The following HIVEP1 variants were observed in gnomAD, a reference collection of about 807,000 sequenced individuals.
HIVEP1 encodes the protein zinc finger protein 40.
A neutral mutation model predicts 180.0 loss-of-function variants in HIVEP1; 36 were observed. That is an observed-to-expected ratio of 0.20 (90% confidence interval 0.15 to 0.26). HIVEP1 has a LOEUF of 0.26. HIVEP1 is among the 10% of genes least tolerant of loss of function. HIVEP1 has a pLI of 1.00. For missense variants in HIVEP1, 3,143 were observed against 3,268.7 expected (o/e 0.96, Z 0.94); for synonymous variants, 1,239 against 1,239.0 (o/e 1.00, Z 0.00).
At chr6:12,064,204 C>T (rs1425570783) in intron 2 of HIVEP1, among the ~76,000 whole-genome samples, 16 of 151,914 alleles carry the variant, frequency 1.1e-4, no homozygotes, top group Admixed American at 6.6e-4. Flanking sequence ...TTGAAGTTTA[C>T]GGATTTCTGG....
chr6:12,108,770 C>T (rs931741573), intron 3 of HIVEP1, among the ~76,000 whole-genome samples: 1 of 152,180 alleles, frequency 6.6e-6, no homozygotes, highest in African/African-American at 2.4e-5. Context: ...TCGCGCCTCT[C>T]CCTCCACACC....
intron 7 of HIVEP1, among the ~76,000 whole-genome samples, chr6:12,146,798 C>T (rs763627216): frequency 1.3e-5 from 2 of 151,440 alleles, no homozygotes; most frequent in African/African-American, 2.4e-5. Context: ...TGTATCACTT[C>T]GGCACCTATT....
At chr6:12,107,806 A>C (rs1017736939) in intron 3 of HIVEP1, among the ~76,000 whole-genome samples, 6 of 152,150 alleles carry the variant, frequency 3.9e-5, no homozygotes, top group African/African-American at 1.4e-4. Flanking sequence ...GCCTGCTTTT[A>C]TTCTCTTATC....
chr6:12,018,503 G>A (rs561298524), intron 2 of HIVEP1, among the ~76,000 whole-genome samples: 39 of 152,368 alleles, frequency 2.6e-4, no homozygotes, highest in Non-Finnish European at 3.1e-4. Flanking sequence ...CACAGGTCTC[G>A]AAAGAAGAAT....
chr6:12,137,908 G>A (rs1758794124), intron 7 of HIVEP1, among the ~76,000 whole-genome samples: 1 of 152,142 alleles, frequency 6.6e-6, no homozygotes, highest in African/African-American at 2.4e-5. Context: ...GTGTACTCAT[G>A]TATTAACAGC....
the HIVEP1 span, among the ~76,000 whole-genome samples, chr6:12,200,561 G>T: frequency 6.2e-4 from 94 of 152,338 alleles, no homozygotes; most frequent in African/African-American, 1.8e-3. Flanking sequence ...TGTGGGGCAG[G>T]CTTTGAAAAA....
the HIVEP1 span, among the ~76,000 whole-genome samples, chr6:12,202,160 T>C: frequency 1.3e-5 from 2 of 152,138 alleles, no homozygotes; most frequent in African/African-American, 2.4e-5. Flanking sequence ...TTTTATTTTA[T>C]TTATATATTT....
chr6:12,211,317 G>C, the HIVEP1 span, among the ~76,000 whole-genome samples: 1 of 102,616 alleles, frequency 9.7e-6, no homozygotes, highest in South Asian at 3.1e-4. Flanking sequence ...GGAGAATGGC[G>C]TGAACCCGGG....
At chr6:12,191,716 C>T in the HIVEP1 span, among the ~76,000 whole-genome samples, 5 of 152,248 alleles carry the variant, frequency 3.3e-5, no homozygotes, top group South Asian at 2.1e-4. Flanking sequence ...ATCCAATACA[C>T]GGTGTAGTTA....
chr6:12,211,012 G>T, the HIVEP1 span, among the ~76,000 whole-genome samples: 1 of 151,916 alleles, frequency 6.6e-6, no homozygotes, highest in Non-Finnish European at 1.5e-5. Flanking sequence ...CCCTAGAGGT[G>T]TATCTGAAGA....
chr6:12,108,699 G>A (rs1419292974), intron 3 of HIVEP1, among the ~76,000 whole-genome samples: 1 of 152,194 alleles, frequency 6.6e-6, no homozygotes, highest in Admixed American at 6.5e-5. Context: ...GGCCCGCCAA[G>A]CCCACGCCCA....
chr6:12,198,834 A>C, the HIVEP1 span, among the ~76,000 whole-genome samples: 1 of 152,238 alleles, frequency 6.6e-6, no homozygotes, highest in Non-Finnish European at 1.5e-5. Context: ...TCTCATCTAA[A>C]AAAAATACCT....
chr6:12,101,289 C>T (rs12662314), intron 3 of HIVEP1, among the ~76,000 whole-genome samples: 27,216 of 151,942 alleles, frequency 0.18, 2,926 homozygotes, highest in East Asian at 0.47. Flanking sequence ...ATAACAAATA[C>T]TCTAAGTATA....
At chr6:12,099,205 G>C (rs1376534545) in intron 3 of HIVEP1, among the ~76,000 whole-genome samples, 17 of 139,768 alleles carry the variant, frequency 1.2e-4, no homozygotes, top group African/African-American at 4.7e-4. Flanking sequence ...TTTTTGAGAC[G>C]GAGTCTCGCT....
chr6:12,159,363 AAAT>A (rs1760260977), intron 7 of HIVEP1, among the ~76,000 whole-genome samples: 1 of 151,784 alleles, frequency 6.6e-6, no homozygotes. Flanking sequence ...GTCTTTTTAC[AAAT>A]TTTACTTCTT....
chr6:12,207,191 C>T, the HIVEP1 span, among the ~76,000 whole-genome samples: 3 of 152,184 alleles, frequency 2.0e-5, no homozygotes, highest in African/African-American at 4.8e-5. Flanking sequence ...TTTGATTGCC[C>T]GTTGCATAGT....
chr6:12,100,158 T>A (rs1045119324), intron 3 of HIVEP1, among the ~76,000 whole-genome samples: 11 of 152,202 alleles, frequency 7.2e-5, no homozygotes, highest in Non-Finnish European at 1.6e-4. Context: ...GTAGAAATGT[T>A]AATCAAGGGG....
intron 3 of HIVEP1, among the ~76,000 whole-genome samples, chr6:12,102,720 CT>C (rs1235854713): frequency 6.6e-6 from 1 of 152,158 alleles, no homozygotes; most frequent in Non-Finnish European, 1.5e-5. Context: ...TAAAAAACAT[CT>C]TCGTAAATAT....
rs768197004 is a variant in HIVEP1, at chr6:12,125,708, C to T, written c.5913C>T (p.Ser1971=). Residue 1971 remains serine (S), a synonymous_variant, in exon 4 of 9, where the codon AGC becomes AGT. Coordinates refer to ENST00000379388, the MANE Select transcript of HIVEP1 (RefSeq NM_002114.4). ...KTSAYTDWTV[S]ASNPNPLGLP... is the part of the protein sequence containing the mutation. ...CAGCCTATACTGATTGGACAGTAAGCGCCAGTAATCCAAATCCACTCGGTT... is the reference window on the plus strand; with the variant it reads ...CAGCCTATACTGATTGGACAGTAAGTGCCAGTAATCCAAATCCACTCGGTT... 6.4e-5 allele frequency: 104 copies of T among 1,614,070 alleles called. No individual in the cohort carries two copies. Among genetic ancestry groups the T allele is most frequent in the South Asian group, 6.6e-5 (6 of 91,084 alleles).
Sources: gnomAD v4.1 joint callset for allele counts (sites outside exome capture counted in the v4.1 genomes callset) on GRCh38, gnomAD v4.1.1 for gene constraint, MANE v1.5 for transcripts, NCBI Gene and HGNC (gene_info 2026-07-23, HGNC 2026-07-21) for gene names.